The following XKR6 variants were observed in gnomAD, a reference collection of about 807,000 sequenced individuals.
XKR6 encodes XK-related protein 6.
XKR6 carries 22 observed loss-of-function variants against 56.7 expected under a neutral mutation model. The observed-to-expected ratio is 0.39, with a 90% CI of 0.28 to 0.55. XKR6 has a LOEUF of 0.55. Among genes scored for constraint, XKR6 ranks in the 20% least tolerant of loss-of-function variants. The pLI, the probability that XKR6 is intolerant of heterozygous loss-of-function variation, is 0.66. For missense variants in XKR6, 852 were observed against 889.0 expected (o/e 0.96, Z 0.53); for synonymous variants, 524 against 387.8 (o/e 1.35, Z -4.13).
Position 10,983,653 on chromosome 8 carries a change from C to CT in XKR6, c.765-58824dup, listed in dbSNP as rs201678404. On this transcript the variant is annotated intron_variant, in intron 1 of 2. Coordinates refer to ENST00000416569, the MANE Select transcript of XKR6 (RefSeq NM_173683.4). ...ATAGAAAAAGAAAAGCTTACATATTCTTTTTTTTGTTTTTTTTTTTGAGAT... is the reference window on the plus strand; with the variant it reads ...ATAGAAAAAGAAAAGCTTACATATTCTTTTTTTTTGTTTTTTTTTTTGAGAT... Among the ~76,000 whole-genome samples the CT allele has an allele frequency of 1.9e-4, 27 of 144,690 alleles. No individual in the cohort carries two copies. The East Asian group carries it at 3.7e-3, about 20-fold the overall frequency. The allele number at this position is 144,690 out of a possible 152,430, so 94.9% of individuals were successfully genotyped here.
At chr8:11,133,942 G>A (rs1181705161) in intron 1 of XKR6, among the ~76,000 whole-genome samples, 1 of 152,128 alleles carries the variant, frequency 6.6e-6, no homozygotes, top group African/African-American at 2.4e-5. Context: ...TGCTATTCAT[G>A]AGCTGGTCTC....
chr8:11,093,940 C>T (rs984935998), intron 1 of XKR6, among the ~76,000 whole-genome samples: 5 of 151,846 alleles, frequency 3.3e-5, no homozygotes, highest in South Asian at 2.1e-4. Flanking sequence ...TCCGCCACCA[C>T]GCCAGACTAA....
intron 1 of XKR6, among the ~76,000 whole-genome samples, chr8:11,003,216 C>T (rs1172220581): frequency 6.6e-6 from 1 of 152,184 alleles, no homozygotes; most frequent in African/African-American, 2.4e-5. Context: ...AAGCTGCACA[C>T]CACCTGGCAT....
intron 2 of XKR6, among the ~76,000 whole-genome samples, chr8:10,914,725 T>G (rs951118077): frequency 3.6e-5 from 5 of 138,164 alleles, no homozygotes; most frequent in Non-Finnish European, 6.4e-5. Context: ...ATTCCCCATG[T>G]GGGAAAGTGG....
At chr8:11,066,278 G>C (rs1799976544) in intron 1 of XKR6, among the ~76,000 whole-genome samples, 1 of 152,222 alleles carries the variant, frequency 6.6e-6, no homozygotes, top group South Asian at 2.1e-4. Flanking sequence ...GTTCGAAACA[G>C]ACTATTTTTA....
chr8:11,164,555 G>GAT (rs1801975878), intron 1 of XKR6, among the ~76,000 whole-genome samples: 2 of 152,196 alleles, frequency 1.3e-5, no homozygotes, highest in Non-Finnish European at 2.9e-5. Context: ...TATCTTAAAA[G>GAT]ATATATGGCT....
chr8:11,017,031 CA>C (rs1324965925), intron 1 of XKR6, among the ~76,000 whole-genome samples: 2 of 152,166 alleles, frequency 1.3e-5, no homozygotes, highest in African/African-American at 4.8e-5. Flanking sequence ...GATTTGCATA[CA>C]TATGGATAGA....
At chr8:10,952,997 A>G (rs1045433394) in intron 1 of XKR6, among the ~76,000 whole-genome samples, 1 of 152,100 alleles carries the variant, frequency 6.6e-6, no homozygotes, top group African/African-American at 2.4e-5. Flanking sequence ...CCTTATGAGA[A>G]TCTAATGCAT....
At chr8:11,101,320 T>A (rs146155885) in intron 1 of XKR6, among the ~76,000 whole-genome samples, 287 of 152,316 alleles carry the variant, frequency 1.9e-3, no homozygotes, top group African/African-American at 6.6e-3. Context: ...GTTATATTCA[T>A]GCAGAGCGGC....
chr8:11,077,789 C>G (rs143675528), intron 1 of XKR6, among the ~76,000 whole-genome samples: 1 of 152,172 alleles, frequency 6.6e-6, no homozygotes, highest in Admixed American at 6.5e-5. Context: ...CCATGGCAAC[C>G]GCTCCAATCT....
At chr8:10,970,817 A>C (rs965325758) in intron 1 of XKR6, among the ~76,000 whole-genome samples, 5 of 151,962 alleles carry the variant, frequency 3.3e-5, no homozygotes, top group South Asian at 2.1e-4. Context: ...AAAAAAAAAA[A>C]AAAAACCTCT....
intron 1 of XKR6, among the ~76,000 whole-genome samples, chr8:10,928,575 C>A (rs1800965454): frequency 1.3e-5 from 2 of 152,202 alleles, no homozygotes; most frequent in South Asian, 4.1e-4. Flanking sequence ...GTCTCCCATC[C>A]CCTCTGCAGA....
chr8:11,124,727 G>T (rs1023194624), intron 1 of XKR6: 1 of 152,450 alleles, frequency 6.6e-6, no homozygotes, highest in African/African-American at 2.4e-5. Flanking sequence ...GAAGTGGGCA[G>T]TGAGTAAAAG....
chr8:11,023,410 G>C (rs1460372090), intron 1 of XKR6, among the ~76,000 whole-genome samples: 1 of 152,182 alleles, frequency 6.6e-6, no homozygotes, highest in Admixed American at 6.5e-5. Flanking sequence ...TGGAACTCTA[G>C]GCAGTGCCAC....
chr8:11,115,427 A>C (rs571459640), intron 1 of XKR6, among the ~76,000 whole-genome samples: 11 of 152,320 alleles, frequency 7.2e-5, no homozygotes, highest in African/African-American at 2.4e-4. Flanking sequence ...CTGCTGCTAA[A>C]GTTATATTTA....
chr8:11,084,462 T>A (rs539358426), intron 1 of XKR6, among the ~76,000 whole-genome samples: 2 of 152,156 alleles, frequency 1.3e-5, no homozygotes, highest in African/African-American at 4.8e-5. Flanking sequence ...AGAATTGCAC[T>A]ATTTACCATA....
At chr8:11,190,226 G>GAGAAAAGAA (rs1563206772) in intron 1 of XKR6, among the ~76,000 whole-genome samples, 177 of 84,794 alleles carry the variant, frequency 2.1e-3, no homozygotes, top group Admixed American at 4.5e-3. Context: ...GAAAGAAAGA[G>GAGAAAAGAA]AAAAGAAAAA....
intron 1 of XKR6, among the ~76,000 whole-genome samples, chr8:11,103,373 G>C (rs10100837): frequency 0.056 from 8,482 of 152,202 alleles, 792 homozygotes; most frequent in African/African-American, 0.19. Flanking sequence ...CCCAGCCAGA[G>C]ACCAGCTGAA....
intron 1 of XKR6, among the ~76,000 whole-genome samples, chr8:11,144,097 T>C (rs1563171059): frequency 6.6e-6 from 1 of 152,046 alleles, no homozygotes; most frequent in Non-Finnish European, 1.5e-5. Flanking sequence ...TCTTTCAAGG[T>C]CCAAACATAG....
Sources: gnomAD v4.1 joint callset for allele counts (sites outside exome capture counted in the v4.1 genomes callset) on GRCh38, gnomAD v4.1.1 for gene constraint, MANE v1.5 for transcripts, NCBI Gene and HGNC (gene_info 2026-07-23, HGNC 2026-07-21) for gene names.